Variants in BTF3L4 observed in about 807,000 individuals in gnomAD.
BTF3L4 encodes the protein transcription factor BTF3 homolog 4.
In BTF3L4, 6 loss-of-function variants were observed where a neutral mutation model predicts 16.8. The observed-to-expected ratio is 0.36, with a 90% confidence interval of 0.20 to 0.71. The LOEUF is 0.71. Among genes scored for constraint, BTF3L4 ranks in the 30% least tolerant of loss-of-function variants. The pLI is 0.58. For missense variants in BTF3L4, 92 were observed against 186.9 expected (o/e 0.49, Z 2.96); for synonymous variants, 39 against 59.8 (o/e 0.65, Z 1.60).
intron 3 of BTF3L4, among the ~76,000 whole-genome samples, chr1:52,073,810 C>T (rs1211592994): frequency 6.6e-6 from 1 of 151,070 alleles, no homozygotes; most frequent in African/African-American, 2.4e-5. Flanking sequence ...CCAGCTTGGC[C>T]GAGATGGTGA....
chr1:52,085,043 C>T (rs1325367273), intron 4 of BTF3L4, among the ~76,000 whole-genome samples: 3 of 86,504 alleles, frequency 3.5e-5, no homozygotes, highest in African/African-American at 1.4e-4. Context: ...TTTTTTGAGA[C>T]AGAGTCTTGC....
At chr1:52,066,527 GTTTA>G (rs1558005694) in intron 3 of BTF3L4, among the ~76,000 whole-genome samples, 1 of 146,646 alleles carries the variant, frequency 6.8e-6, no homozygotes, top group East Asian at 2.3e-4. Flanking sequence ...GGTAACCAAA[GTTTA>G]CGCTTTTACT....
At chr1:52,081,013 T>A (rs1481511248) in intron 3 of BTF3L4, among the ~76,000 whole-genome samples, 2 of 151,806 alleles carry the variant, frequency 1.3e-5, no homozygotes, top group Non-Finnish European at 2.9e-5. Context: ...CTAATTTTTG[T>A]ATTTTTAGTA....
At chr1:52,080,975 G>A (rs1393349232) in intron 3 of BTF3L4, among the ~76,000 whole-genome samples, 2 of 151,314 alleles carry the variant, frequency 1.3e-5, no homozygotes, top group Non-Finnish European at 2.9e-5. Flanking sequence ...AAGTAGCTGG[G>A]ATTACAGGCA....
Position 52,086,118 on chromosome 1 carries a change from A to G in BTF3L4, c.377A>G (p.Asp126Gly). The G allele has an allele frequency of 1.2e-6, 2 of 1,607,610 alleles. No homozygotes were observed. The highest frequency in any genetic ancestry group is 1.3e-5 in the African/African-American group (1 of 74,774). Residue 126 changes from aspartate to glycine, a missense_variant, in exon 5 of 6, where the codon GAC becomes GGC. Asp to Gly is a moderately conservative substitution (Grantham distance 94). Coordinates refer to ENST00000313334, the MANE Select transcript of BTF3L4 (RefSeq NM_152265.5). ...LAEQFPRQVL[D>G]SKAPKPEDID... Reference sequence around the variant, plus strand: ...TAAAATAAACTTTTTGTAGTCTTGGACAGTAAAGCACCAAAACCAGAAGAC... The same window carrying G: ...TAAAATAAACTTTTTGTAGTCTTGGGCAGTAAAGCACCAAAACCAGAAGAC...
chr1:52,060,234 A>G lies in BTF3L4; in HGVS notation c.54+333A>G, dbSNP rs541894806. On this transcript the variant is annotated intron_variant, in intron 2 of 5. Transcript: ENST00000313334. ...ACATAAGGTGTTTAAAGATTAGGGT[A>G]ATATTTATAAAACACCTAATGTGGT... Among the ~76,000 whole-genome samples the G allele has an allele frequency of 4.0e-4, 61 of 152,338 alleles. 1 individual carries two copies. The highest frequency in any genetic ancestry group is 1.4e-3 in the African/African-American group (60 of 41,572).
chr1:52,078,383 A>T (rs930105482), intron 3 of BTF3L4, among the ~76,000 whole-genome samples: 3 of 152,060 alleles, frequency 2.0e-5, no homozygotes, highest in Non-Finnish European at 4.4e-5. Context: ...AATAAATTGT[A>T]TAGGAGGTAT....
At chr1:52,078,978 T>C (rs1374464912) in intron 3 of BTF3L4, among the ~76,000 whole-genome samples, 2 of 152,194 alleles carry the variant, frequency 1.3e-5, no homozygotes, top group East Asian at 3.8e-4. Context: ...ATATATTATA[T>C]GGCTTACTCA....
chr1:52,060,449 C>G (rs1686480889), intron 2 of BTF3L4: 4 of 1,268,534 alleles, frequency 3.2e-6, no homozygotes, highest in Non-Finnish European at 4.1e-6. Flanking sequence ...AAATTCTTAC[C>G]TGTTCTTCCA....
intron 3 of BTF3L4, among the ~76,000 whole-genome samples, chr1:52,067,166 G>A (rs920082598): frequency 2.6e-5 from 4 of 152,146 alleles, no homozygotes; most frequent in African/African-American, 9.7e-5. Context: ...AACCCAGGAG[G>A]CAGAGGTTTG....
intron 3 of BTF3L4, among the ~76,000 whole-genome samples, chr1:52,074,922 C>CTTTTT (rs1425153916): frequency 4.0e-5 from 6 of 151,776 alleles, no homozygotes; most frequent in African/African-American, 1.5e-4. Flanking sequence ...TGCCTGGCTA[C>CTTTTT]TTTTTAGAAT....
At chr1:52,060,740 CAAGGG>C (rs1017683515) in intron 2 of BTF3L4, 34 of 504,632 alleles carry the variant, frequency 6.7e-5, no homozygotes, top group Middle Eastern at 4.3e-4. Context: ...GGGATGAGCA[CAAGGG>C]AAGGGAAGGG....
rs376431846 is a variant in BTF3L4, at chr1:52,059,074, G to GCC, written c.-13-753_-13-752dup. The stretch of plus-strand genomic sequence containing the variant: ...AGCTTGTTTTAGGAGTCTCCTCTCT[G>GCC]CCCCCCCCCAACATTTATTACTGTA... On this transcript the variant is annotated intron_variant, in intron 1 of 5. Transcript: ENST00000313334. Among the ~76,000 whole-genome samples the GCC allele has an allele frequency of 1.6e-3, 235 of 149,638 alleles. 1 individual carries two copies. The highest frequency in any genetic ancestry group is 4.9e-3 in the African/African-American group (199 of 40,542).
In BTF3L4 at chr1:52,072,927, G is replaced by A. The variant is rs371629361; in HGVS notation, c.168+7989G>A. ...ACAAAAATTAGCCACGTGTGGTGGC[G>A]TGCGCCTGTAATCCCAGCTACTCAG... is the stretch of plus-strand genomic sequence containing the variant. On this transcript the variant is annotated intron_variant, in intron 3 of 5. Transcript: ENST00000313334. Among the ~76,000 whole-genome samples, 26 of 152,310 alleles carry A rather than the reference G, an allele frequency of 1.7e-4. No individual in the cohort carries two copies. In the East Asian group the frequency reaches 4.1e-3, roughly 24 times the overall value.
intron 3 of BTF3L4, 133 bp downstream of exon 3, chr1:52,065,071 A>G (rs1215486423): frequency 4.7e-6 from 2 of 429,470 alleles, no homozygotes; most frequent in Non-Finnish European, 8.4e-6. Flanking sequence ...GGACTGTGGC[A>G]CTTTGATTTT....
chr1:52,073,689 C>CAAAA (rs57529132), intron 3 of BTF3L4, among the ~76,000 whole-genome samples: 3 of 67,644 alleles, frequency 4.4e-5, no homozygotes, highest in African/African-American at 6.9e-5. Context: ...GCTGTCTCTA[C>CAAAA]AAAAAAAAAA....
chr1:52,071,839 A>T (rs1478011488), intron 3 of BTF3L4, among the ~76,000 whole-genome samples: 1 of 151,714 alleles, frequency 6.6e-6, no homozygotes, highest in East Asian at 1.9e-4. Context: ...AGTAAAAGGG[A>T]AGCACCATGT....
intron 1 of BTF3L4, among the ~76,000 whole-genome samples, chr1:52,059,479 G>T (rs534436017): frequency 4.6e-5 from 7 of 152,192 alleles, no homozygotes; most frequent in Middle Eastern, 3.4e-3. Context: ...AAAAATCTTT[G>T]GGGGAAAAAA....
At chr1:52,075,519 C>T (rs1220866759) in intron 3 of BTF3L4, among the ~76,000 whole-genome samples, 40 of 124,260 alleles carry the variant, frequency 3.2e-4, no homozygotes, top group Non-Finnish European at 4.4e-4. Context: ...AGTGAGACTA[C>T]GTCTAAAAAA....
Sources: allele counts gnomAD v4.1 joint callset (sites outside exome capture counted in the v4.1 genomes callset), GRCh38; gene constraint gnomAD v4.1.1; transcripts MANE v1.5; gene names NCBI Gene and HGNC (gene_info 2026-07-23, HGNC 2026-07-21).